Variants in ATP8A2 observed in about 807,000 individuals in gnomAD.
ATP8A2 encodes the protein phospholipid-transporting ATPase IB.
In ATP8A2, 100 loss-of-function variants were observed where a neutral mutation model predicts 165.6. That is an observed-to-expected ratio of 0.60 (90% CI 0.51 to 0.71). ATP8A2 has a LOEUF of 0.71. Among genes scored for constraint, ATP8A2 ranks in the 30% least tolerant of loss-of-function variants. The pLI is 0.00. For synonymous variants in ATP8A2, 543 were observed against 548.8 expected, an observed-to-expected ratio of 0.99 and a Z score of 0.15; for missense variants, 1,227 against 1,479.5, an observed-to-expected ratio of 0.83 and a Z score of 2.80.
rs1275676109 is a variant in ATP8A2, at chr13:26,022,428, G to C, written c.*2443G>C. 1.3e-5 allele frequency: 2 copies of C among 152,196 alleles called. No individual in the cohort carries two copies. 9.4% of individuals were successfully genotyped at this position (152,196 alleles called of 1,614,324 possible). A position where few individuals can be genotyped will look rare whatever the true frequency, so the allele number is the denominator to read the frequency against. On this transcript the variant is annotated 3_prime_UTR_variant, in exon 37 of 37. Coordinates refer to ENST00000381655, the MANE Select transcript of ATP8A2 (RefSeq NM_016529.6). Reference sequence around the variant, plus strand: ...TTTGGGGTTTTTGTTTCTTACATTAGAGTTCATATTTTCTGGGATTTAAGG... The same window carrying C: ...TTTGGGGTTTTTGTTTCTTACATTACAGTTCATATTTTCTGGGATTTAAGG...
intron 23 of ATP8A2, among the ~76,000 whole-genome samples, chr13:25,587,888 A>G (rs1052918831): frequency 6.6e-6 from 1 of 152,214 alleles, no homozygotes; most frequent in African/African-American, 2.4e-5. Context: ...TCTCAGTTTT[A>G]TCCATCACTG....
intron 24 of ATP8A2, among the ~76,000 whole-genome samples, chr13:25,607,816 AT>A (rs2040556840): frequency 6.6e-6 from 1 of 152,238 alleles, no homozygotes; most frequent in Admixed American, 6.5e-5. Flanking sequence ...ACAATCTTTA[AT>A]CCCCTTATTT....
intron 27 of ATP8A2, among the ~76,000 whole-genome samples, chr13:25,785,125 G>T (rs2044992040): frequency 6.6e-6 from 1 of 151,966 alleles, no homozygotes; most frequent in Admixed American, 6.6e-5. Context: ...TTGGCTGGGT[G>T]TGGTGGCTCA....
intron 24 of ATP8A2, among the ~76,000 whole-genome samples, chr13:25,616,869 A>G (rs2040840554): frequency 6.6e-6 from 1 of 152,166 alleles, no homozygotes; most frequent in Admixed American, 6.6e-5. Context: ...TGTGGCTCCC[A>G]TTGAATATAA....
chr13:25,935,448 A>T (rs1954858769), intron 33 of ATP8A2, among the ~76,000 whole-genome samples: 1 of 152,136 alleles, frequency 6.6e-6, no homozygotes, highest in African/African-American at 2.4e-5. Context: ...GTGTCAGTCC[A>T]TTTGCATTGC....
At chr13:25,398,227 G>A (rs1423470047) in intron 1 of ATP8A2, among the ~76,000 whole-genome samples, 2 of 152,140 alleles carry the variant, frequency 1.3e-5, no homozygotes, top group African/African-American at 2.4e-5. Flanking sequence ...TACCTTTAGA[G>A]CCTGTTATCT....
intron 1 of ATP8A2, among the ~76,000 whole-genome samples, chr13:25,434,857 G>T (rs940843452): frequency 6.6e-6 from 1 of 152,184 alleles, no homozygotes; most frequent in Non-Finnish European, 1.5e-5. Flanking sequence ...GCATGCACGT[G>T]TTCTATTGGT....
At chr13:25,931,199 A>G (rs961624630) in intron 33 of ATP8A2, among the ~76,000 whole-genome samples, 5 of 152,234 alleles carry the variant, frequency 3.3e-5, no homozygotes, top group African/African-American at 9.6e-5. Flanking sequence ...ACACAGATGC[A>G]TAGAACACGG....
chr13:25,743,510 G>A (rs1410767889), intron 25 of ATP8A2, among the ~76,000 whole-genome samples: 2 of 152,174 alleles, frequency 1.3e-5, no homozygotes, highest in African/African-American at 2.4e-5. Context: ...AAGGGAAAGC[G>A]AGGAAATCGT....
chr13:25,631,751 A>G (rs2041245330), intron 24 of ATP8A2, among the ~76,000 whole-genome samples: 1 of 152,178 alleles, frequency 6.6e-6, no homozygotes, highest in Non-Finnish European at 1.5e-5. Flanking sequence ...CCACCAACAT[A>G]TAGGCATGAT....
At chr13:25,831,716 A>C (rs181305089) in intron 28 of ATP8A2, among the ~76,000 whole-genome samples, 1 of 151,566 alleles carries the variant, frequency 6.6e-6, no homozygotes, top group East Asian at 2.1e-4. Context: ...GACGGTGTGC[A>C]CCTGTAATCC....
At chr13:25,984,269 G>C (rs1357835092) in intron 35 of ATP8A2, among the ~76,000 whole-genome samples, 1 of 151,832 alleles carries the variant, frequency 6.6e-6, no homozygotes, top group African/African-American at 2.4e-5. Flanking sequence ...GTAATGAAAA[G>C]TTTGGTGTGA....
intron 25 of ATP8A2, among the ~76,000 whole-genome samples, chr13:25,730,772 A>G (rs1227259142): frequency 6.6e-6 from 1 of 151,854 alleles, no homozygotes; most frequent in African/African-American, 2.4e-5. Flanking sequence ...TTATTGTTTG[A>G]TTTTTTTTAA....
chr13:25,373,504 C>A (rs550917400), intron 1 of ATP8A2, among the ~76,000 whole-genome samples: 21 of 152,232 alleles, frequency 1.4e-4, no homozygotes, highest in African/African-American at 4.8e-4. Flanking sequence ...CGCAGTCATA[C>A]AGGTGTGAGA....
chr13:25,505,248 G>GTC (rs137985732), intron 2 of ATP8A2, among the ~76,000 whole-genome samples: 44 of 149,992 alleles, frequency 2.9e-4, no homozygotes, highest in Admixed American at 2.0e-4. Flanking sequence ...CTGTTAATCA[G>GTC]TCTCTCTCTC....
At chr13:25,622,609 G>A (rs545990233) in intron 24 of ATP8A2, among the ~76,000 whole-genome samples, 20 of 152,216 alleles carry the variant, frequency 1.3e-4, no homozygotes, top group African/African-American at 3.9e-4. Context: ...CTTTTTAAGT[G>A]CTGACAGGAG....
At chr13:25,647,588 G>C (rs61947275) in intron 24 of ATP8A2, among the ~76,000 whole-genome samples, 5,593 of 152,222 alleles carry the variant, frequency 0.037, 154 homozygotes, top group Middle Eastern at 0.061. Flanking sequence ...TCTTTGGGTT[G>C]AAGTTGATTA....
chr13:25,834,807 T>G (rs1951562703), intron 28 of ATP8A2, among the ~76,000 whole-genome samples: 1 of 152,152 alleles, frequency 6.6e-6, no homozygotes, highest in Admixed American at 6.5e-5. Context: ...CCCAAGTAGC[T>G]GGGACTACAG....
intron 33 of ATP8A2, among the ~76,000 whole-genome samples, chr13:25,924,537 G>A (rs1457721744): frequency 2.6e-5 from 4 of 152,048 alleles, no homozygotes; most frequent in Admixed American, 6.6e-5. Context: ...CTGGATTAGG[G>A]CTCACCCTAT....
Sources: allele counts gnomAD v4.1 joint callset (sites outside exome capture counted in the v4.1 genomes callset), GRCh38; gene constraint gnomAD v4.1.1; transcripts MANE v1.5; gene names NCBI Gene and HGNC (gene_info 2026-07-23, HGNC 2026-07-21).